Variants in WDPCP observed in about 807,000 individuals in gnomAD.
The protein encoded by WDPCP is WD repeat containing planar cell polarity effector, also known as WD repeat-containing and planar cell polarity effector protein fritz homolog.
In WDPCP, 71 loss-of-function variants were observed where a neutral mutation model predicts 93.1. The ratio of observed to expected loss-of-function variants is 0.76; its 90% CI spans 0.63 to 0.93. The LOEUF (loss-of-function observed/expected upper bound fraction) is 0.93. Ranked by LOEUF, WDPCP falls within the 40% of genes least tolerant of loss-of-function variation. The pLI, the probability that WDPCP is intolerant of heterozygous loss-of-function variation, is 0.00. For missense variants in WDPCP, 844 were observed against 887.4 expected (o/e 0.95, Z 0.62); for synonymous variants, 315 against 315.0 (o/e 1.00, Z 0.00).
chr2:63,139,258 G>A (rs11125950), intron 17 of WDPCP, among the ~76,000 whole-genome samples: 149,096 of 152,312 alleles, frequency 0.98, 72,994 homozygotes, highest in Middle Eastern at 1. Context: ...TGATTTTGCA[G>A]TTGTGAATTG....
chr2:63,655,033 G>A (rs909776744), intron 2 of WDPCP, among the ~76,000 whole-genome samples: 5 of 152,102 alleles, frequency 3.3e-5, no homozygotes, highest in Non-Finnish European at 7.4e-5. Context: ...TGAGAGACTA[G>A]AGAATCACTC....
chr2:63,405,849 T>A (rs75619363), intron 9 of WDPCP, among the ~76,000 whole-genome samples: 76 of 152,142 alleles, frequency 5.0e-4, no homozygotes, highest in Non-Finnish European at 8.1e-4. Context: ...AAAACATATA[T>A]CTACACGTTA....
intron 2 of WDPCP, among the ~76,000 whole-genome samples, chr2:63,720,755 A>T (rs1402338474): frequency 1.3e-5 from 2 of 152,196 alleles, no homozygotes; most frequent in African/African-American, 4.8e-5. Flanking sequence ...TCTGCTAGGG[A>T]TGGCAGTCAC....
chr2:63,498,999 T>C (rs187851869), intron 1 of WDPCP, among the ~76,000 whole-genome samples: 1 of 152,368 alleles, frequency 6.6e-6, no homozygotes, highest in Admixed American at 6.5e-5. Context: ...CAGGGCCTTA[T>C]GAGATCTAAA....
At chr2:63,456,937 G>T (rs992849545) in intron 6 of WDPCP, among the ~76,000 whole-genome samples, 3 of 152,002 alleles carry the variant, frequency 2.0e-5, no homozygotes, top group Admixed American at 6.6e-5. Flanking sequence ...ACTTAAACCT[G>T]GGAGGTGGAG....
intron 2 of WDPCP, among the ~76,000 whole-genome samples, chr2:63,692,292 A>C (rs1668901014): frequency 6.6e-6 from 1 of 151,984 alleles, no homozygotes; most frequent in Admixed American, 6.6e-5. Context: ...TCTTTTTTAC[A>C]TTCTCTCTGT....
chr2:63,372,045 T>A (rs1001951758), intron 12 of WDPCP, among the ~76,000 whole-genome samples: 4 of 152,212 alleles, frequency 2.6e-5, no homozygotes, highest in Non-Finnish European at 5.9e-5. Context: ...ACAGGTAGCA[T>A]GGTGCTAGCA....
chr2:63,395,240 A>G (rs2105072358), intron 10 of WDPCP, among the ~76,000 whole-genome samples: 1 of 152,298 alleles, frequency 6.6e-6, no homozygotes, highest in African/African-American at 2.4e-5. Flanking sequence ...TATCTAAAAA[A>G]TGTTTTTTAT....
At chr2:63,593,728 A>G (rs1709246890), upstream of WDPCP, 2 of 469,966 alleles carry the variant, frequency 4.3e-6, no homozygotes, top group Non-Finnish European at 4.4e-6. Flanking sequence ...AAACCTACCC[A>G]TTACGTTTCT....
chr2:63,266,034 G>A (rs999228784), intron 13 of WDPCP, among the ~76,000 whole-genome samples: 1 of 151,972 alleles, frequency 6.6e-6, no homozygotes, highest in Non-Finnish European at 1.5e-5. Flanking sequence ...TATATGATAA[G>A]CCCACAGCTA....
At chr2:63,414,852 C>T (rs1426849687) in intron 9 of WDPCP, among the ~76,000 whole-genome samples, 1 of 152,098 alleles carries the variant, frequency 6.6e-6, no homozygotes, top group Non-Finnish European at 1.5e-5. Context: ...CCAAATACCA[C>T]CTTTACCCCA....
At chr2:63,717,478 G>C in intron 2 of WDPCP, 1 of 403,588 alleles carries the variant, frequency 2.5e-6, no homozygotes, top group Non-Finnish European at 4.8e-6. Flanking sequence ...GGGCGGCAAA[G>C]ATGTGTCAGA....
At chr2:63,557,180 G>C (rs937989043) in intron 1 of WDPCP, among the ~76,000 whole-genome samples, 1 of 152,104 alleles carries the variant, frequency 6.6e-6, no homozygotes. Flanking sequence ...AATGTAAATG[G>C]ACTAAATGCC....
chr2:63,255,004 C>T (rs1447848742), intron 14 of WDPCP, among the ~76,000 whole-genome samples: 1 of 151,996 alleles, frequency 6.6e-6, no homozygotes, highest in Admixed American at 6.6e-5. Context: ...ATGCAATTCA[C>T]GATATTAATA....
chr2:63,495,354 A>G (rs1558712403), intron 1 of WDPCP, among the ~76,000 whole-genome samples: 1 of 152,202 alleles, frequency 6.6e-6, no homozygotes, highest in Admixed American at 6.5e-5. Context: ...AATGTTTCCA[A>G]TGCAGTGTTC....
intron 14 of WDPCP, among the ~76,000 whole-genome samples, chr2:63,249,057 C>T (rs1332449835): frequency 6.6e-6 from 1 of 151,892 alleles, no homozygotes; most frequent in African/African-American, 2.4e-5. Context: ...AATTTTGCTC[C>T]TTTGAATAGG....
intron 6 of WDPCP, among the ~76,000 whole-genome samples, chr2:63,479,494 A>G (rs1284644885): frequency 6.6e-6 from 1 of 152,228 alleles, no homozygotes; most frequent in African/African-American, 2.4e-5. Context: ...ACCATGAGCA[A>G]GTGGGTTTCA....
intron 15 of WDPCP, among the ~76,000 whole-genome samples, chr2:63,159,613 A>C (rs1672513420): frequency 6.6e-6 from 1 of 152,160 alleles, no homozygotes; most frequent in Admixed American, 6.5e-5. Flanking sequence ...TTGTTTTAGC[A>C]AGCAATTATC....
At chr2:63,218,193 G>C (rs1337256144) in intron 14 of WDPCP, among the ~76,000 whole-genome samples, 1 of 152,080 alleles carries the variant, frequency 6.6e-6, no homozygotes, top group East Asian at 1.9e-4. Context: ...TTTGTTTTAA[G>C]TAAAGTTTCT....
Sources: gnomAD v4.1 joint callset for allele counts (sites outside exome capture counted in the v4.1 genomes callset) on GRCh38, gnomAD v4.1.1 for gene constraint, MANE v1.5 for transcripts, NCBI Gene and HGNC (gene_info 2026-07-23, HGNC 2026-07-21) for gene names.